Variants in C6 observed in about 807,000 individuals in gnomAD.
C6 encodes complement component C6.
C6 carries 101 observed loss-of-function variants against 112.9 expected under a neutral mutation model. That is an observed-to-expected ratio of 0.89 (90% CI 0.76 to 1.06). The LOEUF is 1.06. Among genes scored for constraint, C6 ranks in the 50% least tolerant of loss-of-function variants. The pLI is 0.00. For missense variants in C6, 1,202 were observed against 1,104.6 expected, an observed-to-expected ratio of 1.09 and a Z score of -1.25; for synonymous variants, 431 against 384.1, an observed-to-expected ratio of 1.12 and a Z score of -1.43.
At chr5:41,256,948 C>A (rs1463305561) in intron 1 of C6, among the ~76,000 whole-genome samples, 1 of 152,144 alleles carries the variant, frequency 6.6e-6, no homozygotes, top group Non-Finnish European at 1.5e-5. Flanking sequence ...AGGCTTTCTG[C>A]AGTTTGGATG....
At chr5:41,211,863 G>T (rs1207885541) in intron 1 of C6, among the ~76,000 whole-genome samples, 1 of 152,134 alleles carries the variant, frequency 6.6e-6, no homozygotes, top group Admixed American at 6.5e-5. Context: ...AATTGCAAGA[G>T]ATTACTAATT....
chr5:41,191,297 A>G (rs1340620636), intron 5 of C6, among the ~76,000 whole-genome samples: 6 of 151,268 alleles, frequency 4.0e-5, no homozygotes, highest in Admixed American at 3.3e-4. Context: ...GAACTCCTGA[A>G]CTCATGATCC....
chr5:41,239,678 T>C (rs1053376968), intron 1 of C6, among the ~76,000 whole-genome samples: 1 of 152,126 alleles, frequency 6.6e-6, no homozygotes, highest in Non-Finnish European at 1.5e-5. Context: ...ATAAGTTTAA[T>C]GATTTTTAGA....
intron 1 of C6, among the ~76,000 whole-genome samples, chr5:41,206,195 T>A (rs1751422283): frequency 6.6e-6 from 1 of 152,078 alleles, no homozygotes; most frequent in East Asian, 1.9e-4. Flanking sequence ...ATAAAGGACA[T>A]CCACACCAAA....
Position 41,142,672 on chromosome 5 carries a change from G to T in C6, c.*153C>A. ...AAGACATGCCCAAACAGGAGAGTCA[G>T]GGGAGAATAATGATCTCAAACTAAC... On this transcript the variant is annotated 3_prime_UTR_variant, in exon 18 of 18. Transcript: ENST00000337836. 1.5e-6 allele frequency: 1 copy of T among 686,470 alleles called. No individual in the cohort carries two copies. Among genetic ancestry groups the T allele is most frequent in the South Asian group, 1.6e-5 (1 of 62,002 alleles). 42.5% of individuals were successfully genotyped at this position (686,470 alleles called of 1,614,324 possible).
intron 1 of C6, among the ~76,000 whole-genome samples, chr5:41,249,767 T>C (rs1741231276): frequency 1.3e-5 from 2 of 152,214 alleles, no homozygotes; most frequent in African/African-American, 4.8e-5. Context: ...CCATGGATAT[T>C]GATTATTCCT....
intron 1 of C6, among the ~76,000 whole-genome samples, chr5:41,229,598 G>A (rs1434647861): frequency 6.6e-6 from 1 of 151,870 alleles, no homozygotes; most frequent in East Asian, 1.9e-4. Flanking sequence ...GGCCTAACAT[G>A]TGATCTATTC....
chr5:41,240,789 C>G (rs539334408), intron 1 of C6, among the ~76,000 whole-genome samples: 42 of 152,148 alleles, frequency 2.8e-4, no homozygotes, highest in Non-Finnish European at 4.4e-4. Flanking sequence ...GGGTGATACC[C>G]CAGGTCCCTT....
At chr5:41,149,886 T>C (rs1394928669) in intron 16 of C6, 49 bp downstream of exon 16, 1 of 1,253,492 alleles carries the variant, frequency 8.0e-7, no homozygotes, top group Non-Finnish European at 1.2e-6. Flanking sequence ...TTGGTTACAC[T>C]AGACTGGTTT....
chr5:41,170,627 T>G (rs540350256), intron 9 of C6, among the ~76,000 whole-genome samples: 1 of 152,276 alleles, frequency 6.6e-6, no homozygotes, highest in South Asian at 2.1e-4. Context: ...TTCTTCTCAT[T>G]TTGCTTATGC....
chr5:41,255,232 G>A (rs1233346904), intron 1 of C6, among the ~76,000 whole-genome samples: 2 of 151,870 alleles, frequency 1.3e-5, no homozygotes, highest in East Asian at 3.9e-4. Flanking sequence ...ATGGTGGTGG[G>A]TGCCTGTAAT....
intron 8 of C6, chr5:41,172,603 C>T (rs1210976287): frequency 1.9e-6 from 1 of 538,824 alleles, no homozygotes; most frequent in East Asian, 3.3e-5. Context: ...CTCAGAAGCA[C>T]ATATGAGCCA....
In C6 at chr5:41,234,558, G is replaced by C. The variant is rs144213668; in HGVS notation, c.-21+26636C>G. ...GATTGAATTAGCACTGAGTGTAGAA[G>C]CTGGACAAAAGTGGAAATATCATTG... On this transcript the variant is annotated intron_variant, in intron 1 of 17. Coordinates refer to the C6 transcript ENST00000263413. Among the ~76,000 whole-genome samples, 389 of 152,092 alleles carry C rather than the reference G, an allele frequency of 2.6e-3. 1 individual carries two copies. The highest frequency in any genetic ancestry group is 0.017 in the Middle Eastern group (5 of 294).
chr5:41,219,525 T>C (rs1270518983), intron 1 of C6, among the ~76,000 whole-genome samples: 2 of 152,132 alleles, frequency 1.3e-5, no homozygotes, highest in Non-Finnish European at 2.9e-5. Flanking sequence ...TGAGGGAAAA[T>C]TGTTATTCTG....
At chr5:41,176,763 T>G in intron 7 of C6, 48 bp from the exon 8 acceptor site, 1 of 1,536,306 alleles carries the variant, frequency 6.5e-7, no homozygotes, top group Non-Finnish European at 9.0e-7. Flanking sequence ...AATGAAAGTT[T>G]GAAGTACCTA....
At chr5:41,147,336 G>C (rs1745924677) in intron 17 of C6, among the ~76,000 whole-genome samples, 1 of 152,148 alleles carries the variant, frequency 6.6e-6, no homozygotes, top group South Asian at 2.1e-4. Flanking sequence ...CTAGTTTTCT[G>C]TAACTTATAT....
rs556817981 is a variant in C6 at position 41,218,657 on chromosome 5, C to T, written c.-20-15407G>A. Among the ~76,000 whole-genome samples the T allele has an allele frequency of 1.5e-3, 231 of 152,216 alleles. 4 individuals are homozygous for T. The highest frequency in any genetic ancestry group is 5.1e-4 in the Non-Finnish European group (35 of 68,022). On this transcript the variant is annotated intron_variant, in intron 1 of 17. Transcript: ENST00000263413. ...GCTGGTTTCAGATCTCATGATTCTG[C>T]CCCTTGGACAAAGTGATAGGCCAGG... is the stretch of plus-strand genomic sequence containing the variant.
At chr5:41,172,144 AC>A in intron 9 of C6, 80 bp downstream of exon 9, 1 of 1,398,046 alleles carries the variant, frequency 7.2e-7, no homozygotes, top group Admixed American at 1.7e-5. Flanking sequence ...TAAAAATAGC[AC>A]AGTCACATCC....
At position 41,178,472 on chromosome 5, in the gene C6, T is replaced by C. The variant is rs183818302; in HGVS notation, c.928-1757A>G. On this transcript the variant is annotated intron_variant, in intron 7 of 17. Coordinates refer to ENST00000337836, the MANE Select transcript of C6 (RefSeq NM_000065.5). ...CTTTTTTCTTTTTCTTTTTCTTTTT[T>C]TTTTTTTTTTTTTTGTGAGATGGAG... Among the ~76,000 whole-genome samples, 261 of 65,082 alleles carry C rather than the reference T, an allele frequency of 4.0e-3. 2 individuals carry two copies. Among genetic ancestry groups the C allele is most frequent in the African/African-American group, 0.012 (227 of 19,484 alleles). The allele number at this position is 65,082 out of a possible 152,430, so 42.7% of individuals were successfully genotyped here.
Sources: gnomAD v4.1 joint callset for allele counts (sites outside exome capture counted in the v4.1 genomes callset) on GRCh38, gnomAD v4.1.1 for gene constraint, MANE v1.5 for transcripts, NCBI Gene and HGNC (gene_info 2026-07-23, HGNC 2026-07-21) for gene names.